Variants in OSMR observed in about 807,000 individuals in gnomAD.
OSMR encodes the protein oncostatin M receptor, also known as oncostatin-M-specific receptor subunit beta.
In OSMR, 81 loss-of-function variants were observed where a neutral mutation model predicts 99.9. That is an observed-to-expected ratio of 0.81 (90% CI 0.68 to 0.97). The LOEUF is 0.97. Among genes scored for constraint, OSMR ranks in the 50% least tolerant of loss-of-function variants. The pLI is 0.00. For missense variants in OSMR, 1,099 were observed against 1,153.4 expected (o/e 0.95, Z 0.68); for synonymous variants, 406 against 410.4 (o/e 0.99, Z 0.13).
intron 1 of OSMR, among the ~76,000 whole-genome samples, chr5:38,862,379 G>C (rs1342481410): frequency 1.3e-5 from 1 of 76,476 alleles, no homozygotes; most frequent in African/African-American, 6.0e-5. Context: ...GGGCAGAGGC[G>C]CCCCTCACCT....
intron 4 of OSMR, among the ~76,000 whole-genome samples, chr5:38,883,159 C>CA (rs1161410248): frequency 6.6e-6 from 1 of 152,080 alleles, no homozygotes; most frequent in Admixed American, 6.6e-5. Context: ...ACTAAAAATA[C>CA]AAAAAATCAG....
intron 7 of OSMR, among the ~76,000 whole-genome samples, chr5:38,891,682 T>C (rs1744168400): frequency 6.6e-6 from 1 of 152,146 alleles, no homozygotes; most frequent in Non-Finnish European, 1.5e-5. Flanking sequence ...GAGAACTGCC[T>C]GGAGTCTTTA....
At chr5:38,936,932 T>TAA (rs1747074881), downstream of OSMR, among the ~76,000 whole-genome samples, 1 of 152,270 alleles carries the variant, frequency 6.6e-6, no homozygotes, top group Admixed American at 6.5e-5. Context: ...TTTTATATGC[T>TAA]AAAGTTTTAA....
chr5:38,853,256 G>A (rs1300281137), intron 1 of OSMR, among the ~76,000 whole-genome samples: 1 of 152,124 alleles, frequency 6.6e-6, no homozygotes, highest in Non-Finnish European at 1.5e-5. Flanking sequence ...TTTTGCTGAA[G>A]GAAATGAGGC....
intron 1 of OSMR, 32 bp from the exon 2 acceptor site, chr5:38,869,000 A>C (rs770614773): frequency 6.2e-7 from 1 of 1,608,862 alleles, no homozygotes; most frequent in Non-Finnish European, 8.5e-7. Context: ...AAATTAAATA[A>C]AATTTTCCTT....
intron 4 of OSMR, among the ~76,000 whole-genome samples, chr5:38,882,657 G>A (rs1479793640): frequency 6.6e-6 from 1 of 152,054 alleles, no homozygotes. Context: ...GGGGGAAGGG[G>A]GGTGGAATAT....
At chr5:38,896,103 CT>C (rs1401681522) in intron 7 of OSMR, among the ~76,000 whole-genome samples, 2 of 151,988 alleles carry the variant, frequency 1.3e-5, no homozygotes, top group Non-Finnish European at 2.9e-5. Context: ...CAGTTTAGTT[CT>C]TTCTACTTAG....
intron 1 of OSMR, among the ~76,000 whole-genome samples, chr5:38,868,409 G>A (rs1742107201): frequency 6.6e-6 from 1 of 152,116 alleles, no homozygotes; most frequent in Admixed American, 6.6e-5. Context: ...AACTTGAATT[G>A]TATCTCCCAG....
At chr5:38,924,268 C>T in intron 13 of OSMR, 154 bp from the exon 14 acceptor site, 4 of 979,070 alleles carry the variant, frequency 4.1e-6, no homozygotes, top group Non-Finnish European at 4.9e-6. Context: ...TATGTCAAGG[C>T]ACAAATCCTC....
chr5:38,932,973 T>G lies in OSMR; in HGVS notation c.2469T>G (p.Thr823=), dbSNP rs1440421332. 2 of 1,614,202 alleles carry G rather than the reference T, an allele frequency of 1.2e-6. No homozygotes were observed. The highest frequency in any genetic ancestry group is 1.7e-6 in the Non-Finnish European group (2 of 1,180,024). ...PEGTKIQFLG[T]RKSLTETELT... ...GGACAAAGATACAGTTCCTAGGCAC[T>G]AGGAAGTCACTCACAGAAACCGAGT... Residue 823 remains threonine (T), a synonymous_variant, in exon 18 of 18, where the codon ACT becomes ACG. Transcript: ENST00000274276.
intron 7 of OSMR, among the ~76,000 whole-genome samples, chr5:38,887,303 A>G (rs149103368): frequency 1.7e-3 from 264 of 152,346 alleles, no homozygotes; most frequent in African/African-American, 4.5e-3. Context: ...CCAAGATCAG[A>G]AGGACAGTCA....
At chr5:38,860,751 C>A (rs537316901) in intron 1 of OSMR, among the ~76,000 whole-genome samples, 71 of 152,326 alleles carry the variant, frequency 4.7e-4, no homozygotes, top group African/African-American at 1.6e-3. Flanking sequence ...TGGCTCACTG[C>A]AACCTCCGCC....
chr5:38,926,335 C>A (rs1306162612), intron 15 of OSMR, among the ~76,000 whole-genome samples: 1 of 152,114 alleles, frequency 6.6e-6, no homozygotes, highest in African/African-American at 2.4e-5. Context: ...GCTGCAGTGG[C>A]AGTGTATTAG....
At chr5:38,893,676 G>T (rs192134803) in intron 7 of OSMR, among the ~76,000 whole-genome samples, 1 of 152,252 alleles carries the variant, frequency 6.6e-6, no homozygotes, top group African/African-American at 2.4e-5. Context: ...ATGGCATTAT[G>T]TAAAGCCACT....
At chr5:38,919,736 C>A (rs1172426771) in intron 11 of OSMR, among the ~76,000 whole-genome samples, 2 of 152,148 alleles carry the variant, frequency 1.3e-5, no homozygotes, top group East Asian at 3.9e-4. Context: ...CATTCATGAA[C>A]CTTGCAATAA....
intron 9 of OSMR, among the ~76,000 whole-genome samples, chr5:38,913,678 G>C (rs1397510691): frequency 6.6e-6 from 1 of 151,902 alleles, no homozygotes; most frequent in Non-Finnish European, 1.5e-5. Flanking sequence ...ATCACAATGA[G>C]ACACCATCTC....
chr5:38,867,350 T>A (rs3805561), intron 1 of OSMR, among the ~76,000 whole-genome samples: 10,032 of 152,260 alleles, frequency 0.066, 876 homozygotes, highest in East Asian at 0.45. Flanking sequence ...GTTCCCACTT[T>A]TCTGTAAAAT....
chr5:38,882,817 A>T (rs1402352285), intron 4 of OSMR, among the ~76,000 whole-genome samples: 1 of 152,198 alleles, frequency 6.6e-6, no homozygotes, highest in Non-Finnish European at 1.5e-5. Context: ...TGTCAGTCCT[A>T]TAAAAGGACT....
rs1579608441 is a variant in OSMR, at chr5:38,849,843, G to A, written c.-14+3456G>A. Among the ~76,000 whole-genome samples, 3 of 152,148 alleles carry A rather than the reference G, an allele frequency of 2.0e-5. No individual in the cohort carries two copies. In the East Asian group the frequency reaches 5.8e-4, roughly 29 times the overall value. On this transcript the variant is annotated intron_variant, in intron 1 of 17. Coordinates refer to ENST00000274276, the MANE Select transcript of OSMR (RefSeq NM_003999.3). ...TTTCTTATCCTTAATTTCCTCCTCT[G>A]TGAATGGGAATAATAATATAATCCT...
Sources: allele counts gnomAD v4.1 joint callset (sites outside exome capture counted in the v4.1 genomes callset), GRCh38; gene constraint gnomAD v4.1.1; transcripts MANE v1.5; gene names NCBI Gene and HGNC (gene_info 2026-07-23, HGNC 2026-07-21).